The following KLHL4 variants were observed in gnomAD, a reference collection of about 807,000 sequenced individuals.
The protein encoded by KLHL4 is kelch like family member 4.
KLHL4 carries 17 observed loss-of-function variants against 45.8 expected under a neutral mutation model. That is an observed-to-expected ratio of 0.37 (90% confidence interval 0.25 to 0.56). The LOEUF is 0.56. Ranked by LOEUF, KLHL4 falls within the 20% of genes least tolerant of loss-of-function variation. The probability of loss-of-function intolerance (pLI) is 0.79; values close to 1 mark genes in which losing one functional copy is unlikely to be tolerated. For missense variants in KLHL4, 544 were observed against 544.9 expected, an observed-to-expected ratio of 1.00 and a Z score of 0.02; for synonymous variants, 224 against 189.9, an observed-to-expected ratio of 1.18 and a Z score of -1.47.
intron 1 of KLHL4, among the ~76,000 whole-genome samples, chrX:87,571,807 T>C (rs1035260838): frequency 1.8e-5 from 2 of 111,036 alleles, no homozygotes; most frequent in Admixed American, 1.9e-4. Flanking sequence ...TTCTCATGAG[T>C]GTATTTATCC....
rs6617448 is a variant in KLHL4 at position 87,584,420 on chromosome X, T to C, written c.423-29457T>C. 1.7e-3 allele frequency among the ~76,000 whole-genome samples: 196 copies of C among 112,117 alleles called. 2 individuals carry two copies. The East Asian group carries it at 0.045, about 26-fold the overall frequency. ...AGAGATATGTAACCGTTCAGGCAGATAATTCAAAAGAGCTGTGTTGAGGAA... is the reference window on the plus strand; with the variant it reads ...AGAGATATGTAACCGTTCAGGCAGACAATTCAAAAGAGCTGTGTTGAGGAA... On this transcript the variant is annotated intron_variant, in intron 1 of 10. Coordinates refer to ENST00000373119, the MANE Select transcript of KLHL4 (RefSeq NM_019117.5).
chrX:87,612,706 A>T (rs1922422220), intron 1 of KLHL4, among the ~76,000 whole-genome samples: 1 of 112,188 alleles, frequency 8.9e-6, no homozygotes, highest in South Asian at 3.7e-4. Flanking sequence ...TTCTTCACAT[A>T]AAATTATCCA....
intron 1 of KLHL4, among the ~76,000 whole-genome samples, chrX:87,577,354 C>T (rs1035454073): frequency 1.8e-5 from 2 of 111,624 alleles, no homozygotes; most frequent in African/African-American, 3.3e-5. Flanking sequence ...CAAAAGACAT[C>T]GTTCTATTTA....
At chrX:87,645,821 G>A (rs1365614721) in intron 9 of KLHL4, among the ~76,000 whole-genome samples, 3 of 111,463 alleles carry the variant, frequency 2.7e-5, no homozygotes, top group Non-Finnish European at 5.7e-5. Context: ...AACATTGTAT[G>A]TTCTCGCTGA....
At chrX:87,640,910 G>T (rs1923436250) in intron 9 of KLHL4, among the ~76,000 whole-genome samples, 1 of 112,034 alleles carries the variant, frequency 8.9e-6, no homozygotes, top group African/African-American at 3.2e-5. Context: ...GTCACTGTTT[G>T]CTGATGACAT....
intron 1 of KLHL4, among the ~76,000 whole-genome samples, chrX:87,557,274 A>G (rs1022695996): frequency 9.0e-6 from 1 of 111,705 alleles, no homozygotes; most frequent in Non-Finnish European, 1.9e-5. Context: ...GTGAATAGAA[A>G]TTGTTTTGCT....
intron 1 of KLHL4, among the ~76,000 whole-genome samples, chrX:87,572,420 TTCTC>T (rs759034735): frequency 5.2e-4 from 58 of 110,862 alleles, no homozygotes; most frequent in Non-Finnish European, 9.9e-4. Flanking sequence ...CTCTCTCTCT[TTCTC>T]TCTATTAATG....
At chrX:87,529,842 T>C (rs1931207796) in intron 1 of KLHL4, among the ~76,000 whole-genome samples, 1 of 112,020 alleles carries the variant, frequency 8.9e-6, no homozygotes, top group South Asian at 3.7e-4. Flanking sequence ...TCTTTGAGGA[T>C]GTAATGTCCA....
chrX:87,567,112 A>T (rs1932229734), intron 1 of KLHL4, among the ~76,000 whole-genome samples: 1 of 111,297 alleles, frequency 9.0e-6, no homozygotes, highest in African/African-American at 3.3e-5. Context: ...TTTCATGATT[A>T]AAACAATGAA....
intron 1 of KLHL4, among the ~76,000 whole-genome samples, chrX:87,533,119 G>C (rs1931338515): frequency 9.2e-6 from 1 of 108,788 alleles, no homozygotes; most frequent in African/African-American, 3.4e-5. Context: ...CTGTAAACTA[G>C]TTCAACCATT....
rs1449576713 is a variant in KLHL4 at position 87,610,112 on chromosome X, A to G, written c.423-3765A>G. Among the ~76,000 whole-genome samples the G allele has an allele frequency of 9.0e-5, 10 of 111,540 alleles. No homozygotes were observed. The Admixed American group carries it at 9.5e-4, about 11-fold the overall frequency. ...CATAGATGCCTTCCATTACCACTCT[A>G]CATAAAATGCCACCAGCCTCCCCAT... On this transcript the variant is annotated intron_variant, in intron 1 of 10. Coordinates refer to ENST00000373119, the MANE Select transcript of KLHL4 (RefSeq NM_019117.5).
chrX:87,525,523 T>C (rs1352026713), intron 1 of KLHL4, among the ~76,000 whole-genome samples: 1 of 111,422 alleles, frequency 9.0e-6, no homozygotes, highest in Non-Finnish European at 1.9e-5. Context: ...AATTTTCAGC[T>C]ATGGTGTTTG....
chrX:87,620,995 T>G (rs928506876), intron 4 of KLHL4, among the ~76,000 whole-genome samples: 4 of 112,685 alleles, frequency 3.5e-5, no homozygotes, highest in Non-Finnish European at 7.5e-5. Context: ...CAGTTGTTTG[T>G]CTTAATCACA....
chrX:87,583,789 A>G (rs1404798577), intron 1 of KLHL4, among the ~76,000 whole-genome samples: 2 of 111,141 alleles, frequency 1.8e-5, no homozygotes, highest in Non-Finnish European at 3.8e-5. Context: ...TGCTTGAAAA[A>G]AGCAGAGGAA....
In KLHL4 at chrX:87,651,445, G is replaced by T. The variant is rs1276341267; in HGVS notation, c.1926-13319G>T. On this transcript the variant is annotated intron_variant, in intron 9 of 10. Coordinates refer to ENST00000373119, the MANE Select transcript of KLHL4 (RefSeq NM_019117.5). ...ATCCAAGACAAGGCAAGTCCCTTCT[G>T]CCTGTGAGCCTGTAAAATCAAAAGC... 2.7e-5 allele frequency among the ~76,000 whole-genome samples: 3 copies of T among 112,194 alleles called. No homozygotes were observed. The East Asian group carries it at 8.4e-4, about 32-fold the overall frequency.
chrX:87,561,290 C>G (rs995411075), intron 1 of KLHL4, among the ~76,000 whole-genome samples: 1 of 110,792 alleles, frequency 9.0e-6, no homozygotes, highest in Non-Finnish European at 1.9e-5. Flanking sequence ...GTAGGAGAGA[C>G]AGTCTTAAAT....
At position 87,661,208 on chromosome X, in the gene KLHL4, T is replaced by A. The variant is rs764921096; in HGVS notation, c.1926-3556T>A. On this transcript the variant is annotated intron_variant, in intron 9 of 10. Coordinates refer to ENST00000373119, the MANE Select transcript of KLHL4 (RefSeq NM_019117.5). ...TCATTTATTATAGTTTGTGCTTTCTTGTTTCTATTGCGGTTTGGAAGCTTG... is the reference window on the plus strand; with the variant it reads ...TCATTTATTATAGTTTGTGCTTTCTAGTTTCTATTGCGGTTTGGAAGCTTG... Among the ~76,000 whole-genome samples the A allele has an allele frequency of 9.5e-4, 106 of 111,940 alleles. 1 individual carries two copies. The highest frequency in any genetic ancestry group is 3.3e-3 in the African/African-American group (101 of 30,863).
At chrX:87,541,951 C>T (rs889998698) in intron 1 of KLHL4, among the ~76,000 whole-genome samples, 3 of 111,801 alleles carry the variant, frequency 2.7e-5, no homozygotes, top group East Asian at 2.8e-4. Context: ...GATAGAGATG[C>T]GGAACTCATT....
At chrX:87,611,130 T>A (rs1161940566) in intron 1 of KLHL4, among the ~76,000 whole-genome samples, 2 of 111,756 alleles carry the variant, frequency 1.8e-5, no homozygotes, top group South Asian at 3.7e-4. Context: ...AATTAAAAAA[T>A]TGCTTTTATT....
Sources: allele counts gnomAD v4.1 joint callset (sites outside exome capture counted in the v4.1 genomes callset), GRCh38; gene constraint gnomAD v4.1.1; transcripts MANE v1.5; gene names NCBI Gene and HGNC (gene_info 2026-07-23, HGNC 2026-07-21).